NOS2: variants seen among roughly 807,000 people sequenced by gnomAD.
NOS2 encodes nitric oxide synthase, inducible.
NOS2 carries 96 observed loss-of-function variants against 136.0 expected under a neutral mutation model. The observed-to-expected ratio is 0.71, with a 90% CI of 0.60 to 0.84. NOS2 has a LOEUF of 0.84. Among genes scored for constraint, NOS2 ranks in the 40% least tolerant of loss-of-function variants. The probability of loss-of-function intolerance (pLI) is 0.00; values close to 1 mark genes in which losing one functional copy is unlikely to be tolerated. For synonymous variants in NOS2, 539 were observed against 587.5 expected (o/e 0.92, Z 1.20); for missense variants, 1,237 against 1,496.9 (o/e 0.83, Z 2.87).
rs759180645 is a variant in NOS2 at position 27,770,907 on chromosome 17, A to G, written c.1809+6T>C. The G allele has an allele frequency of 6.2e-7, 1 of 1,611,064 alleles. No homozygotes were observed. The highest frequency in any genetic ancestry group is 1.1e-5 in the South Asian group (1 of 90,846). On this transcript the variant is annotated splice_donor_region_variant and intron_variant, in intron 15 of 26. Transcript: ENST00000313735. Reference sequence around the variant, plus strand: ...CCCTAGACCAGCCAGACCTCAAGCCACCCACCTCTCCATTGCCAGGGCAGT... The same window carrying G: ...CCCTAGACCAGCCAGACCTCAAGCCGCCCACCTCTCCATTGCCAGGGCAGT...
intron 21 of NOS2, 38 bp downstream of exon 21, chr17:27,763,943 C>G (rs745447303): frequency 1.3e-6 from 2 of 1,569,550 alleles, no homozygotes; most frequent in African/African-American, 1.4e-5. Flanking sequence ...GCTGGGACCC[C>G]CCACATACCC....
At chr17:27,758,290 C>T (rs189682538) in intron 26 of NOS2, among the ~76,000 whole-genome samples, 2 of 152,314 alleles carry the variant, frequency 1.3e-5, no homozygotes, top group Admixed American at 1.3e-4. Context: ...ACATTTACTG[C>T]TGTGGTCCCC....
intron 5 of NOS2, among the ~76,000 whole-genome samples, chr17:27,783,329 T>A (rs535927994): frequency 1.2e-4 from 19 of 152,322 alleles, no homozygotes; most frequent in Non-Finnish European, 2.5e-4. Flanking sequence ...TTAATCATTT[T>A]AAAATAAAGA....
At chr17:27,759,778 G>A (rs1264609619) in intron 25 of NOS2, among the ~76,000 whole-genome samples, 1 of 152,188 alleles carries the variant, frequency 6.6e-6, no homozygotes, top group Admixed American at 6.5e-5. Flanking sequence ...GCCTGCTGGG[G>A]ACCTTCAGCA....
rs28944172 is a variant in NOS2 at position 27,766,718 on chromosome 17, T to C, written c.2168-130A>G. ...GCATCCTGCTGAGGTGGCCGTTGGG[T>C]TTTTCTTTTTCTTCCTTTTATTCCA... On this transcript the variant is annotated intron_variant, in intron 18 of 26. Coordinates refer to ENST00000313735, the MANE Select transcript of NOS2 (RefSeq NM_000625.4). The C allele has an allele frequency of 9.9e-6, 7 of 704,510 alleles. No individual in the cohort carries two copies. The African/African-American group carries it at 1.2e-4, about 12-fold the overall frequency. 43.6% of individuals were successfully genotyped at this position (704,510 alleles called of 1,614,324 possible).
chr17:27,795,531 CATCTGCATGTACTCGTCA>C (rs1186384500), intron 2 of NOS2, among the ~76,000 whole-genome samples: 7 of 152,212 alleles, frequency 4.6e-5, no homozygotes, highest in African/African-American at 1.7e-4. Context: ...GGGGAGTGGG[CATCTGCATGTACTCGTCA>C]ATGGAATGTG....
At chr17:27,795,822 AG>A (rs963423711) in intron 2 of NOS2, among the ~76,000 whole-genome samples, 16 of 152,218 alleles carry the variant, frequency 1.1e-4, no homozygotes, top group African/African-American at 3.9e-4. Flanking sequence ...AGCCCACCCC[AG>A]CATGAAGAGG....
intron 24 of NOS2, 141 bp downstream of exon 24, chr17:27,760,482 C>G (rs550266685): frequency 2.6e-6 from 3 of 1,146,456 alleles, no homozygotes; most frequent in Non-Finnish European, 3.7e-6. Context: ...CATTCTAACC[C>G]GCAGAGGCCC....
rs191875707 is a variant in NOS2 at position 27,793,967 on chromosome 17, G to A, written c.111-4279C>T. On this transcript the variant is annotated intron_variant, in intron 2 of 26. Transcript: ENST00000313735. ...GTCTGGGCTAAGATGCCCGGGTCGT[G>A]TTGGGCCTCGTGTTTGTTTATTCCC... Among the ~76,000 whole-genome samples, 6 of 152,374 alleles carry A rather than the reference G, an allele frequency of 3.9e-5. No individual in the cohort carries two copies. The East Asian group carries it at 1.2e-3, about 29-fold the overall frequency.
At position 27,760,118 on chromosome 17, in the gene NOS2, A is replaced by G; in HGVS notation, c.3071T>C (p.Ile1024Thr). 6.2e-7 allele frequency: 1 copy of G among 1,606,668 alleles called. No individual in the cohort carries two copies. The highest frequency in any genetic ancestry group is 1.1e-5 in the South Asian group (1 of 90,322). ...CATCTCCAGCATCTCCTCCTGGTAGATGTGGTCCTCATCTGGGCGGCGGCA... is the reference window on the plus strand; with the variant it reads ...CATCTCCAGCATCTCCTCCTGGTAGGTGTGGTCCTCATCTGGGCGGCGGCA... The part of the protein sequence containing the change: ...FGCRRPDEDH[I>T]YQEEMLEMAQ... Residue 1024 changes from isoleucine to threonine, a missense_variant, in exon 25 of 27, where the codon ATC (isoleucine) becomes ACC (threonine). This residue lies in a region of NOS2 where 782 missense variants were observed against 909.9 expected (regional missense o/e 0.86). Coordinates refer to ENST00000313735, the MANE Select transcript of NOS2 (RefSeq NM_000625.4).
In NOS2 at chr17:27,757,103, G is replaced by A. The variant is rs1597540456; in HGVS notation, c.*143C>T. 10 of 626,026 alleles carry A rather than the reference G, an allele frequency of 1.6e-5. No individual in the cohort carries two copies. The East Asian group carries it at 2.7e-4, about 17-fold the overall frequency. 38.8% of individuals were successfully genotyped at this position (626,026 alleles called of 1,614,324 possible). On this transcript the variant is annotated 3_prime_UTR_variant, in exon 27 of 27. Transcript: ENST00000313735. ...TAGGAGGTCAAGTAAAGGGCTTGAT[G>A]GGGAGCAACGTTGAGGAAATAAGAC...
Position 27,765,640 on chromosome 17 carries a change from C to A in NOS2, c.2323G>T (p.Val775Phe), listed in dbSNP as rs1301647328. The A allele has an allele frequency of 1.2e-6, 2 of 1,613,338 alleles. No individual in the cohort carries two copies. Among genetic ancestry groups the A allele is most frequent in the South Asian group, 1.1e-5 (1 of 91,060 alleles). The change falls in exon 20 of 27, where the codon GTT becomes TTT. Residue 775 changes from valine (V) to phenylalanine (F), a missense_variant. Coordinates refer to ENST00000313735, the MANE Select transcript of NOS2 (RefSeq NM_000625.4). Reference sequence around the variant, plus strand: ...AGGGCCGGCTGGTTGCCTGGGCAAACCCCAAGGTGCTCCCCCGGCAGGTAG... The same window carrying A: ...AGGGCCGGCTGGTTGCCTGGGCAAAACCCAAGGTGCTCCCCCGGCAGGTAG... The part of the protein sequence containing the change: ...LNYLPGEHLG[V>F]CPGNQPALVQ...
chr17:27,756,922 T>C lies in NOS2; in HGVS notation c.*324A>G, dbSNP rs28944215. ...GGCAGTTAAATACACAGTGGTGCGA[T>C]AGCACCTCCTGGTGGTCACTTGAAG... On this transcript the variant is annotated 3_prime_UTR_variant, in exon 27 of 27. Coordinates refer to ENST00000313735, the MANE Select transcript of NOS2 (RefSeq NM_000625.4). 0.012 allele frequency: 3,894 copies of C among 317,816 alleles called. 51 individuals carry two copies. The highest frequency in any genetic ancestry group is 0.027 in the Middle Eastern group (32 of 1,186). The allele number at this position is 317,816 out of a possible 1,614,324, so 19.7% of individuals were successfully genotyped here. A position where few individuals can be genotyped will look rare whatever the true frequency, so the allele number is the denominator to read the frequency against.
Position 27,763,375 on chromosome 17 carries a change from A to G in NOS2, c.2593-370T>C, listed in dbSNP as rs28944184. Among the ~76,000 whole-genome samples, 108 of 152,354 alleles carry G rather than the reference A, an allele frequency of 7.1e-4. 1 individual carries two copies. Among genetic ancestry groups the G allele is most frequent in the African/African-American group, 2.5e-3 (104 of 41,586 alleles). On this transcript the variant is annotated intron_variant, in intron 21 of 26. Coordinates refer to ENST00000313735, the MANE Select transcript of NOS2 (RefSeq NM_000625.4). ...CAATTACCCTTTGTGAAACAAGGAC[A>G]GTATTGCCTGTCTTGTGGGGATGTT...
chr17:27,791,719 T>G (rs762432646), intron 2 of NOS2, among the ~76,000 whole-genome samples: 3 of 151,244 alleles, frequency 2.0e-5, no homozygotes, highest in Non-Finnish European at 2.9e-5. Flanking sequence ...CAAGTATCAT[T>G]GAATACTTTT....
At chr17:27,785,567 C>T (rs1340040057) in intron 5 of NOS2, among the ~76,000 whole-genome samples, 40 of 152,122 alleles carry the variant, frequency 2.6e-4, no homozygotes, top group Non-Finnish European at 1.5e-5. Flanking sequence ...GGTAAGTCTA[C>T]TGTGCAGCCA....
chr17:27,762,737 T>C (rs776439024), intron 22 of NOS2, 61 bp downstream of exon 22: 311 of 1,222,842 alleles, frequency 2.5e-4, no homozygotes, highest in Non-Finnish European at 3.5e-4. Context: ...TCTGAGTTGA[T>C]GAACAGATGT....
chr17:27,759,455 G>A (rs188045733), intron 25 of NOS2, among the ~76,000 whole-genome samples: 321 of 152,260 alleles, frequency 2.1e-3, no homozygotes, highest in Non-Finnish European at 3.1e-3. Flanking sequence ...TCTCTGCAGG[G>A]TATGGATCCC....
chr17:27,795,563 T>A (rs1165049621), intron 2 of NOS2, among the ~76,000 whole-genome samples: 2 of 152,214 alleles, frequency 1.3e-5, no homozygotes, highest in African/African-American at 4.8e-5. Context: ...GAATGTGACA[T>A]GCCCAGGACA....
Sources: allele counts gnomAD v4.1 joint callset (sites outside exome capture counted in the v4.1 genomes callset), GRCh38; gene constraint gnomAD v4.1.1; regional missense constraint gnomAD v4.1.1; transcripts MANE v1.5; gene names NCBI Gene and HGNC (gene_info 2026-07-23, HGNC 2026-07-21).